LEPR: variants seen among roughly 807,000 people sequenced by gnomAD.
The protein encoded by LEPR is leptin receptor, also known as OB receptor.
In LEPR, 56 loss-of-function variants were observed where a neutral mutation model predicts 114.7. The ratio of observed to expected loss-of-function variants is 0.49; its 90% CI spans 0.39 to 0.61. The LOEUF (loss-of-function observed/expected upper bound fraction) is 0.61, where lower values mean the gene tolerates loss of function less well. Among genes scored for constraint, LEPR ranks in the 20% least tolerant of loss-of-function variants. The pLI, the probability that LEPR is intolerant of heterozygous loss-of-function variation, is 0.00. For missense variants in LEPR, 1,202 were observed against 1,352.9 expected, an observed-to-expected ratio of 0.89 and a Z score of 1.75; for synonymous variants, 443 against 461.4, an observed-to-expected ratio of 0.96 and a Z score of 0.51.
chr1:65,618,974 C>G (rs991043511), intron 16 of LEPR, among the ~76,000 whole-genome samples: 2 of 152,094 alleles, frequency 1.3e-5, no homozygotes, highest in African/African-American at 4.8e-5. Flanking sequence ...TGACCTAGAC[C>G]AGGGTATTCT....
At chr1:65,560,030 G>A (rs544858548) in intron 2 of LEPR, among the ~76,000 whole-genome samples, 3 of 145,710 alleles carry the variant, frequency 2.1e-5, no homozygotes, top group Non-Finnish European at 4.6e-5. Flanking sequence ...ACTTGGTGAT[G>A]CGGGCTCTTT....
intron 2 of LEPR, among the ~76,000 whole-genome samples, chr1:65,452,203 A>G (rs1449414349): frequency 2.0e-5 from 3 of 152,218 alleles, no homozygotes; most frequent in Non-Finnish European, 4.4e-5. Flanking sequence ...TTTTCTAGAT[A>G]TACAATCCTG....
chr1:65,520,462 G>A (rs1450659233), intron 2 of LEPR, among the ~76,000 whole-genome samples: 3 of 152,178 alleles, frequency 2.0e-5, no homozygotes, highest in African/African-American at 7.2e-5. Flanking sequence ...TCTGTTTTTA[G>A]TAGTGATATT....
rs1202835041 is a variant in LEPR at position 65,488,107 on chromosome 1, CTCTTTCTTTCTT to C, written c.-21+62740_-21+62751del. Among the ~76,000 whole-genome samples, 1,025 of 121,206 alleles carry C rather than the reference CTCTTTCTTTCTT, an allele frequency of 8.5e-3. 27 individuals are homozygous for C. The highest frequency in any genetic ancestry group is 0.035 in the African/African-American group (971 of 27,600). 79.5% of individuals were successfully genotyped at this position (121,206 alleles called of 152,430 possible). A position where few individuals can be genotyped will look rare whatever the true frequency, so the allele number is the denominator to read the frequency against. On this transcript the variant is annotated intron_variant, in intron 2 of 19. Coordinates refer to ENST00000349533, the MANE Select transcript of LEPR (RefSeq NM_002303.6). ...TCTTCCTTTCTTTCCTTCTTTCTTT[CTCTTTCTTTCTT>C]TCTTTCTTTCCCTCCCTCCCTCTCC...
intron 2 of LEPR, among the ~76,000 whole-genome samples, chr1:65,491,858 T>C (rs1316611771): frequency 2.6e-5 from 4 of 152,110 alleles, no homozygotes; most frequent in Non-Finnish European, 5.9e-5. Flanking sequence ...AGATGAGCTA[T>C]AGGGCAGCTT....
chr1:65,604,051 C>T (rs569055518), intron 10 of LEPR, among the ~76,000 whole-genome samples: 1 of 152,008 alleles, frequency 6.6e-6, no homozygotes, highest in South Asian at 2.1e-4. Flanking sequence ...CTCAGGAATG[C>T]TCCATGACTA....
At chr1:65,524,255 GA>G (rs1649788120) in intron 2 of LEPR, among the ~76,000 whole-genome samples, 1 of 152,186 alleles carries the variant, frequency 6.6e-6, no homozygotes, top group African/African-American at 2.4e-5. Context: ...ATAGTCTGCA[GA>G]AACCTACCTC....
chr1:65,546,620 G>C (rs1235243731), intron 2 of LEPR, among the ~76,000 whole-genome samples: 3 of 152,068 alleles, frequency 2.0e-5, no homozygotes, highest in African/African-American at 7.2e-5. Context: ...GTCTGTTATT[G>C]GTGTATAAGA....
intron 2 of LEPR, among the ~76,000 whole-genome samples, chr1:65,431,156 T>A (rs1332215002): frequency 6.6e-6 from 1 of 152,208 alleles, no homozygotes; most frequent in Admixed American, 6.5e-5. Flanking sequence ...ACTTTATTTT[T>A]CTTGTGCTTT....
intron 2 of LEPR, among the ~76,000 whole-genome samples, chr1:65,538,698 CCTT>C (rs1650953546): frequency 6.6e-6 from 1 of 151,936 alleles, no homozygotes; most frequent in South Asian, 2.1e-4. Context: ...CTTTCTTACT[CCTT>C]TAGTGATTTT....
At chr1:65,564,177 T>G (rs1171142188) in intron 2 of LEPR, among the ~76,000 whole-genome samples, 3 of 150,242 alleles carry the variant, frequency 2.0e-5, no homozygotes, top group Non-Finnish European at 3.0e-5. Context: ...CAGTTTGATC[T>G]CAGACTGCTG....
chr1:65,543,361 T>G (rs1270393996), intron 2 of LEPR, among the ~76,000 whole-genome samples: 1 of 152,038 alleles, frequency 6.6e-6, no homozygotes, highest in South Asian at 2.1e-4. Context: ...TTCTGGATAT[T>G]AGCCCTTTGT....
chr1:65,467,865 C>T (rs149734095), intron 2 of LEPR, among the ~76,000 whole-genome samples: 2 of 152,342 alleles, frequency 1.3e-5, no homozygotes, highest in African/African-American at 4.8e-5. Context: ...AGGGAATCTC[C>T]TGGTCTACTG....
intron 2 of LEPR, chr1:65,432,537 C>T: frequency 6.1e-6 from 5 of 820,514 alleles, no homozygotes; most frequent in Non-Finnish European, 7.3e-6. Context: ...AACCACTTAA[C>T]CTCTCTGGGT....
At chr1:65,550,865 C>T (rs1652277039) in intron 2 of LEPR, among the ~76,000 whole-genome samples, 1 of 152,068 alleles carries the variant, frequency 6.6e-6, no homozygotes, top group Non-Finnish European at 1.5e-5. Flanking sequence ...GTGAGATGAA[C>T]CCGGTACCTC....
chr1:65,616,028 A>G lies in LEPR; in HGVS notation c.2016A>G (p.Ser672=). Residue 672 remains serine, a synonymous_variant, in exon 15 of 20, where the codon TCA becomes TCG. Coordinates refer to ENST00000349533, the MANE Select transcript of LEPR (RefSeq NM_002303.6). The part of the protein sequence containing the change: ...LLWKPLMKND[S]LCSVQRYVIN... ...TACAGCCCCTGATGAAAAATGACTC[A>G]TTGTGCAGTGTTCAGAGATATGTGA... 6.2e-7 allele frequency: 1 copy of G among 1,614,132 alleles called. No individual in the cohort carries two copies.
rs1658616634 is a variant in LEPR at position 65,633,809 on chromosome 1, C to A, written c.2674-2382C>A. ...TTGAAAATGGCTTAAGTGATAACTT[C>A]CGTTTCAGTTAAAAGGAAGCCCGAA... On this transcript the variant is annotated intron_variant, in intron 19 of 19. Transcript: ENST00000349533. This position sits in a 1 kb window ranked among gnomAD's most constrained non-coding sequence, Gnocchi z 4.1. The A allele has an allele frequency of 1.0e-6, 1 of 985,522 alleles. No individual in the cohort carries two copies. Among genetic ancestry groups the A allele is most frequent in the South Asian group, 4.7e-5 (1 of 21,300 alleles). 61.0% of individuals were successfully genotyped at this position (985,522 alleles called of 1,614,324 possible). A position where few individuals can be genotyped will look rare whatever the true frequency, so the allele number is the denominator to read the frequency against.
chr1:65,635,565 G>A (rs1327062743), intron 19 of LEPR: 1 of 190,278 alleles, frequency 5.3e-6, no homozygotes, highest in Non-Finnish European at 9.7e-6. Context: ...GATATTATTA[G>A]CTCTTATTTT....
chr1:65,436,238 C>T (rs936123076), intron 2 of LEPR, among the ~76,000 whole-genome samples: 1 of 152,054 alleles, frequency 6.6e-6, no homozygotes, highest in Non-Finnish European at 1.5e-5. Context: ...GCTGACACTC[C>T]CCATGGTGGA....
Sources: gnomAD v4.1 joint callset for allele counts (sites outside exome capture counted in the v4.1 genomes callset) on GRCh38, gnomAD v4.1.1 for gene constraint, Gnocchi (gnomAD v3.1) non-coding constraint, MANE v1.5 for transcripts, NCBI Gene and HGNC (gene_info 2026-07-23, HGNC 2026-07-21) for gene names.